Variants in FAT3 observed in about 807,000 individuals in gnomAD.
FAT3 encodes FAT atypical cadherin 3.
FAT3 carries 95 observed loss-of-function variants against 310.2 expected under a neutral mutation model. That is an observed-to-expected ratio of 0.31 (90% CI 0.26 to 0.36). The LOEUF is 0.36. Among genes scored for constraint, FAT3 ranks in the 10% least tolerant of loss-of-function variants. The probability of loss-of-function intolerance (pLI) is 1.00; values close to 1 mark genes in which losing one functional copy is unlikely to be tolerated. For synonymous variants in FAT3, 2,314 were observed against 2,192.9 expected (o/e 1.06, Z -1.54); for missense variants, 5,408 against 5,715.6 (o/e 0.95, Z 1.74).
chr11:92,293,515 TA>T (rs1223597737), intron 1 of FAT3, among the ~76,000 whole-genome samples: 1 of 17,500 alleles, frequency 5.7e-5, no homozygotes. Context: ...CCTCAGATTA[TA>T]TATATATATA....
chr11:92,397,317 A>G (rs2134844843), intron 2 of FAT3, among the ~76,000 whole-genome samples: 1 of 152,264 alleles, frequency 6.6e-6, no homozygotes, highest in African/African-American at 2.4e-5. Flanking sequence ...TGTTTATGGT[A>G]TGGGAAGGAA....
At chr11:92,325,018 C>T (rs981129269) in intron 1 of FAT3, among the ~76,000 whole-genome samples, 10 of 152,290 alleles carry the variant, frequency 6.6e-5, no homozygotes, top group African/African-American at 2.2e-4. Context: ...ATTTAAAACC[C>T]GTTTCAAACA....
chr11:92,548,368 A>T (rs569127289), intron 3 of FAT3, among the ~76,000 whole-genome samples: 1 of 152,110 alleles, frequency 6.6e-6, no homozygotes, highest in Admixed American at 6.5e-5. Flanking sequence ...ATTCCATGTG[A>T]CTCTCTCTCA....
At chr11:92,587,553 T>C (rs1354802480) in intron 3 of FAT3, among the ~76,000 whole-genome samples, 4 of 151,976 alleles carry the variant, frequency 2.6e-5, no homozygotes, top group Non-Finnish European at 4.4e-5. Context: ...ATTTTTAACA[T>C]GAAAAAGGCT....
chr11:92,696,226 C>A (rs1943938121), intron 3 of FAT3, among the ~76,000 whole-genome samples: 1 of 151,922 alleles, frequency 6.6e-6, no homozygotes, highest in East Asian at 1.9e-4. Context: ...AAAGTTAGAT[C>A]ATTTATACAC....
chr11:92,298,194 C>T (rs913841600), intron 1 of FAT3, among the ~76,000 whole-genome samples: 12 of 152,096 alleles, frequency 7.9e-5, no homozygotes, highest in African/African-American at 2.4e-4. Context: ...TTAGCTCTTT[C>T]AAAGGGATCT....
chr11:92,536,827 ACTC>A (rs377188456), intron 3 of FAT3, among the ~76,000 whole-genome samples: 86 of 152,228 alleles, frequency 5.6e-4, no homozygotes, highest in African/African-American at 1.9e-3. Context: ...CCTCTCTCAA[ACTC>A]CTAGAAACCT....
intron 2 of FAT3, among the ~76,000 whole-genome samples, chr11:92,432,412 T>C (rs551403239): frequency 6.6e-6 from 1 of 152,330 alleles, no homozygotes; most frequent in Non-Finnish European, 1.5e-5. Flanking sequence ...TGGAGTTTTC[T>C]AGGTATACAA....
chr11:92,555,412 G>A (rs1037870024), intron 3 of FAT3, among the ~76,000 whole-genome samples: 5 of 152,222 alleles, frequency 3.3e-5, no homozygotes, highest in African/African-American at 1.2e-4. Flanking sequence ...ATGGGAAGCT[G>A]TGGTTATTTG....
intron 3 of FAT3, among the ~76,000 whole-genome samples, chr11:92,545,136 C>G (rs1954574868): frequency 6.6e-6 from 1 of 152,146 alleles, no homozygotes; most frequent in East Asian, 1.9e-4. Flanking sequence ...TGTTGCTGTT[C>G]CTGCTGCCTG....
At chr11:92,731,493 G>C (rs1945176038) in intron 4 of FAT3, among the ~76,000 whole-genome samples, 1 of 152,064 alleles carries the variant, frequency 6.6e-6, no homozygotes, top group Non-Finnish European at 1.5e-5. Flanking sequence ...ACCTCCCCCA[G>C]AATACCACAG....
Position 92,353,811 on chromosome 11 carries a change from C to A in FAT3, c.1699C>A (p.Arg567=), listed in dbSNP as rs1230731830. Residue 567 remains arginine (R), a synonymous_variant, in exon 2 of 28, where the codon CGA becomes AGA. Coordinates refer to ENST00000525166, the MANE Select transcript of FAT3 (RefSeq NM_001367949.2). ...RHESEVNVTI[R]IGNVNDNSPL... Reference sequence around the variant, plus strand: ...TGAAAGTGAGGTCAATGTGACTATTCGAATAGGAAATGTCAACGACAACAG... The same window carrying A: ...TGAAAGTGAGGTCAATGTGACTATTAGAATAGGAAATGTCAACGACAACAG... 1 of 1,613,488 alleles carries A rather than the reference C, an allele frequency of 6.2e-7. No homozygotes were observed.
intron 2 of FAT3, among the ~76,000 whole-genome samples, chr11:92,463,596 T>G (rs1951687056): frequency 6.6e-6 from 1 of 152,204 alleles, no homozygotes; most frequent in Non-Finnish European, 1.5e-5. Flanking sequence ...TACCTATTTT[T>G]ATTGGCATCA....
At chr11:92,295,449 C>A (rs376189254) in intron 1 of FAT3, among the ~76,000 whole-genome samples, 1 of 152,104 alleles carries the variant, frequency 6.6e-6, no homozygotes, top group Admixed American at 6.6e-5. Context: ...CTATCCCGAG[C>A]TGTGCCGTGT....
chr11:92,234,827 A>G (rs1864346685), intron 1 of FAT3, among the ~76,000 whole-genome samples: 2 of 151,406 alleles, frequency 1.3e-5, no homozygotes, highest in African/African-American at 4.9e-5. Flanking sequence ...TCTTGAACCC[A>G]GGAGACGGAG....
intron 4 of FAT3, among the ~76,000 whole-genome samples, chr11:92,744,236 A>G (rs1181981967): frequency 1.3e-5 from 2 of 152,190 alleles, no homozygotes; most frequent in East Asian, 1.9e-4. Context: ...CTAAAACTAT[A>G]CTATCTGAAA....
intron 1 of FAT3, among the ~76,000 whole-genome samples, chr11:92,277,025 C>A (rs2134352232): frequency 6.6e-6 from 1 of 152,110 alleles, no homozygotes; most frequent in Admixed American, 6.5e-5. Flanking sequence ...TTTTAGTGGG[C>A]CCACATACTT....
chr11:92,380,997 C>T (rs1211111300), intron 2 of FAT3, among the ~76,000 whole-genome samples: 1 of 152,234 alleles, frequency 6.6e-6, no homozygotes, highest in African/African-American at 2.4e-5. Flanking sequence ...CCTACCATCA[C>T]CCATACCCAT....
intron 2 of FAT3, among the ~76,000 whole-genome samples, chr11:92,481,824 T>G (rs1485545398): frequency 6.6e-6 from 1 of 152,190 alleles, no homozygotes; most frequent in East Asian, 1.9e-4. Flanking sequence ...AATAAGTTTA[T>G]TTTTAAAAAG....
Sources: gnomAD v4.1 joint callset for allele counts (sites outside exome capture counted in the v4.1 genomes callset) on GRCh38, gnomAD v4.1.1 for gene constraint, MANE v1.5 for transcripts, NCBI Gene and HGNC (gene_info 2026-07-23, HGNC 2026-07-21) for gene names.